DCLK1: variants seen among roughly 807,000 people sequenced by gnomAD.
DCLK1 encodes the protein doublecortin like kinase 1.
DCLK1 carries 16 observed loss-of-function variants against 86.2 expected under a neutral mutation model. That is an observed-to-expected ratio of 0.19 (90% CI 0.13 to 0.28). The LOEUF is 0.28. Ranked by LOEUF, DCLK1 falls within the 10% of genes least tolerant of loss-of-function variation. DCLK1 has a pLI of 1.00. For missense variants in DCLK1, 590 were observed against 940.2 expected, an observed-to-expected ratio of 0.63 and a Z score of 4.87; for synonymous variants, 369 against 370.5, an observed-to-expected ratio of 1.00 and a Z score of 0.05.
intron 4 of DCLK1, among the ~76,000 whole-genome samples, chr13:35,917,076 A>G (rs1426448399): frequency 6.6e-6 from 1 of 152,152 alleles, no homozygotes; most frequent in African/African-American, 2.4e-5. Context: ...CCAGTTCATG[A>G]CACTTAACTC....
intron 2 of DCLK1, among the ~76,000 whole-genome samples, chr13:36,118,176 C>A (rs548404480): frequency 3.9e-5 from 6 of 152,192 alleles, no homozygotes; most frequent in African/African-American, 1.4e-4. Context: ...ACATGATCAG[C>A]CCTGGGTGAT....
chr13:35,947,866 T>C (rs180787818), intron 3 of DCLK1, among the ~76,000 whole-genome samples: 1 of 152,340 alleles, frequency 6.6e-6, no homozygotes, highest in East Asian at 1.9e-4. Context: ...ATACACACGA[T>C]AATCACCAAA....
At chr13:35,957,269 A>C (rs376365860) in intron 3 of DCLK1, among the ~76,000 whole-genome samples, 14 of 152,296 alleles carry the variant, frequency 9.2e-5, no homozygotes, top group African/African-American at 3.1e-4. Flanking sequence ...CCCAACCCAT[A>C]AAATCTGTGT....
At chr13:36,056,998 A>G (rs1056689391) in intron 3 of DCLK1, among the ~76,000 whole-genome samples, 3 of 151,648 alleles carry the variant, frequency 2.0e-5, no homozygotes, top group Non-Finnish European at 2.9e-5. Context: ...GAAGATTAGA[A>G]GATACTGTTT....
intron 4 of DCLK1, among the ~76,000 whole-genome samples, chr13:35,942,252 C>T (rs879549494): frequency 6.6e-5 from 10 of 151,966 alleles, no homozygotes; most frequent in Non-Finnish European, 1.0e-4. Flanking sequence ...CTGCAACCTC[C>T]GCCTCCCGGG....
intron 3 of DCLK1, among the ~76,000 whole-genome samples, chr13:35,973,996 T>C (rs1879196886): frequency 6.6e-6 from 1 of 152,170 alleles, no homozygotes; most frequent in African/African-American, 2.4e-5. Flanking sequence ...GTTTATGCCC[T>C]GGTACCTCAT....
intron 5 of DCLK1, among the ~76,000 whole-genome samples, chr13:35,858,628 C>T (rs1324370889): frequency 2.6e-5 from 4 of 152,136 alleles, no homozygotes; most frequent in Admixed American, 1.3e-4. Flanking sequence ...CCGGGACACT[C>T]GGATCTGCCT....
At chr13:35,976,454 C>A (rs1170480214) in intron 3 of DCLK1, among the ~76,000 whole-genome samples, 2 of 151,560 alleles carry the variant, frequency 1.3e-5, no homozygotes, top group Admixed American at 6.6e-5. Flanking sequence ...GATGCTTAAG[C>A]CTGTGAACTC....
At chr13:35,924,599 G>A (rs942655751) in intron 4 of DCLK1, among the ~76,000 whole-genome samples, 5 of 152,112 alleles carry the variant, frequency 3.3e-5, no homozygotes, top group Non-Finnish European at 7.4e-5. Flanking sequence ...GTAGTGAGCC[G>A]AGATCGTGCC....
chr13:36,000,457 G>A (rs1388730072), intron 3 of DCLK1, among the ~76,000 whole-genome samples: 1 of 152,056 alleles, frequency 6.6e-6, no homozygotes, highest in Non-Finnish European at 1.5e-5. Context: ...TCACCTAATG[G>A]CTTTGGATTT....
chr13:36,024,249 G>A (rs967186886), intron 3 of DCLK1, among the ~76,000 whole-genome samples: 8 of 151,956 alleles, frequency 5.3e-5, no homozygotes, highest in African/African-American at 1.9e-4. Context: ...GGTCAATTAG[G>A]CAAGAAAAGA....
intron 16 of DCLK1, among the ~76,000 whole-genome samples, chr13:35,782,279 A>G (rs575207080): frequency 6.6e-6 from 1 of 152,280 alleles, no homozygotes; most frequent in East Asian, 1.9e-4. Flanking sequence ...AGTTAAAATT[A>G]CAGCCAATTG....
rs754667282 is a variant in DCLK1 at position 36,126,039 on chromosome 13, C to T, written c.99G>A (p.Pro33=). ...RGSRVNGLPS[P]THSAHCSFYR... ...AGAAGCTGCAGTGGGCGCTGTGCGT[C>T]GGGCTCGGCAGGCCGTTCACCCGCG... Residue 33 remains proline, a synonymous_variant, in exon 2 of 17, where the codon CCG becomes CCA. Coordinates refer to ENST00000360631, the MANE Select transcript of DCLK1 (RefSeq NM_001330071.2). 2 of 1,613,684 alleles carry T rather than the reference C, an allele frequency of 1.2e-6. No individual in the cohort carries two copies. The highest frequency in any genetic ancestry group is 1.3e-5 in the African/African-American group (1 of 74,922).
chr13:35,829,801 G>A (rs1033200250), intron 8 of DCLK1, among the ~76,000 whole-genome samples: 1 of 152,150 alleles, frequency 6.6e-6, no homozygotes, highest in African/African-American at 2.4e-5. Context: ...CCTTTGCTTC[G>A]GGGCTCCCCT....
intron 3 of DCLK1, among the ~76,000 whole-genome samples, chr13:36,088,114 T>C (rs549472815): frequency 2.1e-4 from 32 of 152,298 alleles, no homozygotes; most frequent in African/African-American, 7.5e-4. Context: ...AGTGGGAAAA[T>C]ACTTTACATC....
intron 3 of DCLK1, among the ~76,000 whole-genome samples, chr13:36,066,015 C>G (rs1883738464): frequency 6.6e-6 from 1 of 151,978 alleles, no homozygotes; most frequent in Non-Finnish European, 1.5e-5. Flanking sequence ...TTTCCACCTT[C>G]TAAAAACACA....
intron 4 of DCLK1, among the ~76,000 whole-genome samples, chr13:35,929,079 A>G (rs7987832): frequency 0.54 from 82,069 of 151,496 alleles, 25,030 homozygotes; most frequent in Admixed American, 0.67. Flanking sequence ...ACAGGCGCCC[A>G]CCACCACGCC....
At chr13:35,847,201 C>A (rs1037470855) in intron 6 of DCLK1, 1 of 982,564 alleles carries the variant, frequency 1.0e-6, no homozygotes, top group Non-Finnish European at 1.2e-6. Context: ...AGCTGAATTT[C>A]AATTTTTTTA....
intron 1 of DCLK1, among the ~76,000 whole-genome samples, chr13:36,127,655 G>A (rs1886235346): frequency 6.6e-6 from 1 of 152,126 alleles, no homozygotes; most frequent in Admixed American, 6.5e-5. Context: ...TGTGTTCCTG[G>A]CCCTGACACA....
Sources: allele counts gnomAD v4.1 joint callset (sites outside exome capture counted in the v4.1 genomes callset), GRCh38; gene constraint gnomAD v4.1.1; transcripts MANE v1.5; gene names NCBI Gene and HGNC (gene_info 2026-07-23, HGNC 2026-07-21).